CNTNAP3B: variants seen among roughly 807,000 people sequenced by gnomAD.
CNTNAP3B encodes contactin associated protein family member 3B.
Under a neutral mutation model 108.9 loss-of-function variants are expected in CNTNAP3B, and 25 were observed. That is an observed-to-expected ratio of 0.23 (90% CI 0.17 to 0.32). The LOEUF (loss-of-function observed/expected upper bound fraction) is 0.32. CNTNAP3B is among the 10% of genes least tolerant of loss of function. The pLI is 1.00. For synonymous variants in CNTNAP3B, 103 were observed against 473.4 expected, an observed-to-expected ratio of 0.22 and a Z score of 10.16; for missense variants, 252 against 1,210.4, an observed-to-expected ratio of 0.21 and a Z score of 11.75.
At chr9:41,927,122 T>TA in intron 15 of CNTNAP3B, among the ~76,000 whole-genome samples, 2 of 152,148 alleles carry the variant, frequency 1.3e-5, no homozygotes, top group African/African-American at 4.8e-5. Context: ...TCAGATACAA[T>TA]TCAACAGATC....
intron 8 of CNTNAP3B, among the ~76,000 whole-genome samples, chr9:41,986,583 A>G (rs1205757144): frequency 6.6e-6 from 1 of 150,674 alleles, no homozygotes; most frequent in East Asian, 2.0e-4. Flanking sequence ...ATTATCAAAT[A>G]TATACAGTAG....
chr9:41,915,627 A>G (rs1823495862), intron 18 of CNTNAP3B, among the ~76,000 whole-genome samples: 1 of 142,284 alleles, frequency 7.0e-6, no homozygotes, highest in Non-Finnish European at 1.5e-5. Flanking sequence ...GGCGTTTATC[A>G]TATTGAGAAA....
intron 9 of CNTNAP3B, among the ~76,000 whole-genome samples, chr9:41,983,099 T>C (rs1158026922): frequency 7.6e-6 from 1 of 130,822 alleles, no homozygotes; most frequent in Non-Finnish European, 1.6e-5. Flanking sequence ...ACTATGCTCA[T>C]TACCTGGGTG....
intron 15 of CNTNAP3B, among the ~76,000 whole-genome samples, chr9:41,928,050 AT>A (rs1588044756): frequency 6.6e-6 from 1 of 152,142 alleles, no homozygotes; most frequent in African/African-American, 2.4e-5. Context: ...TTAGAAAAAA[AT>A]AACAGAATAA....
At chr9:41,937,133 T>TTA (rs1824183278) in intron 14 of CNTNAP3B, among the ~76,000 whole-genome samples, 1 of 149,308 alleles carries the variant, frequency 6.7e-6, no homozygotes, top group Admixed American at 6.7e-5. Flanking sequence ...ATTATTATTA[T>TTA]TATTATTATT....
intron 12 of CNTNAP3B, among the ~76,000 whole-genome samples, chr9:41,958,496 G>A (rs868629043): frequency 9.4e-3 from 1,429 of 151,338 alleles, no homozygotes; most frequent in African/African-American, 0.033. Context: ...GCTGTAAAGA[G>A]GCCTGCAGTA....
At chr9:41,952,304 G>A (rs62536504) in intron 13 of CNTNAP3B, among the ~76,000 whole-genome samples, 1 of 152,126 alleles carries the variant, frequency 6.6e-6, no homozygotes, top group Non-Finnish European at 1.5e-5. Flanking sequence ...ACAAGGTGTT[G>A]CTCTGCTGCC....
rs1316556082 is a variant in CNTNAP3B at position 42,041,800 on chromosome 9, G to A, written c.391-28275C>T. ...AGACACATGCACGTGTGTTTATTGC[G>A]ACACTATCTGCAATAGCAAAGACTT... On this transcript the variant is annotated intron_variant, in intron 3 of 23. Transcript: ENST00000377561. Among the ~76,000 whole-genome samples the A allele has an allele frequency of 1.4e-5, 2 of 141,146 alleles. 1 individual carries two copies. Among genetic ancestry groups the A allele is most frequent in the African/African-American group, 5.5e-5 (2 of 36,062 alleles). The allele number at this position is 141,146 out of a possible 152,430, so 92.6% of individuals were successfully genotyped here. A position where few individuals can be genotyped will look rare whatever the true frequency, so the allele number is the denominator to read the frequency against.
intron 1 of CNTNAP3B, among the ~76,000 whole-genome samples, chr9:42,122,458 T>C (rs1359603608): frequency 1.5e-5 from 2 of 133,842 alleles, no homozygotes; most frequent in Admixed American, 7.6e-5. Flanking sequence ...CATAAGCTTA[T>C]GAGAGCTTTC....
Position 41,924,086 on chromosome 9 carries a change from A to T in CNTNAP3B, c.2373T>A (p.Phe791Leu), listed in dbSNP as rs1313878150. ...GPLLCRGDKS[F>L]WNSASFNTET... The stretch of plus-strand genomic sequence containing the variant: ...CAGTGTTGAAGGAAGCTGAATTCCA[A>T]AATGACTCTGTTTACAATAGAGAAA... The change falls in exon 16 of 24, where the codon TTT becomes TTA. Residue 791 changes from phenylalanine to leucine, a missense_variant. By Grantham distance (22) the Phe-to-Leu change is conservative. Coordinates refer to ENST00000377561, the MANE Select transcript of CNTNAP3B (RefSeq NM_001201380.3). 3.1e-6 allele frequency: 5 copies of T among 1,609,518 alleles called. No individual in the cohort carries two copies. Among genetic ancestry groups the T allele is most frequent in the Admixed American group, 3.3e-5 (2 of 59,818 alleles).
At chr9:41,934,100 C>CATATCTATATAT (rs1554738991) in intron 14 of CNTNAP3B, among the ~76,000 whole-genome samples, 1 of 90,224 alleles carries the variant, frequency 1.1e-5, no homozygotes, top group African/African-American at 4.2e-5. Context: ...ATATTTGTTA[C>CATATCTATATAT]ATATATATAT....
At chr9:41,928,239 G>A (rs1280908966) in intron 15 of CNTNAP3B, among the ~76,000 whole-genome samples, 2 of 152,240 alleles carry the variant, frequency 1.3e-5, no homozygotes, top group Non-Finnish European at 2.9e-5. Context: ...GAACTTTATT[G>A]CTCACAGCAC....
intron 2 of CNTNAP3B, among the ~76,000 whole-genome samples, chr9:42,097,775 G>A (rs1361152878): frequency 7.4e-6 from 1 of 135,874 alleles, no homozygotes; most frequent in Non-Finnish European, 1.6e-5. Flanking sequence ...ACTGCTCTAT[G>A]GGGTTAGTGT....
intron 13 of CNTNAP3B, among the ~76,000 whole-genome samples, chr9:41,941,539 A>G (rs1241337909): frequency 6.9e-6 from 1 of 145,748 alleles, no homozygotes; most frequent in South Asian, 2.2e-4. Flanking sequence ...AAAAATTGAG[A>G]CTTCTGGTTT....
intron 15 of CNTNAP3B, 73 bp downstream of exon 15, chr9:41,929,244 A>T: frequency 6.9e-7 from 1 of 1,442,318 alleles, no homozygotes; most frequent in Admixed American, 2.5e-5. Context: ...GGCAAGAACA[A>T]GGGCATTTGT....
chr9:41,927,295 G>A (rs1282254254), intron 15 of CNTNAP3B, among the ~76,000 whole-genome samples: 1 of 146,802 alleles, frequency 6.8e-6, no homozygotes, highest in Non-Finnish European at 1.5e-5. Context: ...TAAATGTCTG[G>A]ACAGACCTGC....
intron 15 of CNTNAP3B, among the ~76,000 whole-genome samples, chr9:41,925,525 G>C (rs1053891100): frequency 2.7e-4 from 41 of 152,262 alleles, no homozygotes; most frequent in Non-Finnish European, 4.6e-4. Context: ...CCCGGGAGGC[G>C]GAGCTTGCAG....
At chr9:42,127,538 CAATT>C (rs1341326638) in intron 1 of CNTNAP3B, among the ~76,000 whole-genome samples, 1 of 139,466 alleles carries the variant, frequency 7.2e-6, no homozygotes, top group Admixed American at 7.1e-5. Context: ...GTTGATTGGT[CAATT>C]ACTCTAGCAT....
chr9:41,951,800 G>T (rs1322838935), intron 13 of CNTNAP3B, among the ~76,000 whole-genome samples: 9 of 152,180 alleles, frequency 5.9e-5, no homozygotes, highest in Non-Finnish European at 1.3e-4. Context: ...GTGAGGGCCG[G>T]GCGCGGTGGC....
Sources: allele counts gnomAD v4.1 joint callset (sites outside exome capture counted in the v4.1 genomes callset), GRCh38; gene constraint gnomAD v4.1.1; transcripts MANE v1.5; gene names NCBI Gene and HGNC (gene_info 2026-07-23, HGNC 2026-07-21).